The following SLC4A8 variants were observed in gnomAD, a reference collection of about 807,000 sequenced individuals.
SLC4A8 encodes electroneutral sodium bicarbonate exchanger 1.
In SLC4A8, 40 loss-of-function variants were observed where a neutral mutation model predicts 125.0. The observed-to-expected ratio is 0.32, with a 90% CI of 0.25 to 0.42. The LOEUF (loss-of-function observed/expected upper bound fraction) is 0.42. Ranked by LOEUF, SLC4A8 falls within the 10% of genes least tolerant of loss-of-function variation. SLC4A8 has a pLI of 1.00. For missense variants in SLC4A8, 863 were observed against 1,355.1 expected, an observed-to-expected ratio of 0.64 and a Z score of 5.70; for synonymous variants, 456 against 476.0, an observed-to-expected ratio of 0.96 and a Z score of 0.55.
intron 1 of SLC4A8, among the ~76,000 whole-genome samples, chr12:51,400,744 A>G (rs1216878017): frequency 4.4e-3 from 3 of 684 alleles, no homozygotes; most frequent in African/African-American, 0.018. Context: ...ATATATATAT[A>G]TATATATATA....
Position 51,510,299 on chromosome 12 carries a change from C to A in SLC4A8, c.*2861C>A, listed in dbSNP as rs902912302. On this transcript the variant is annotated 3_prime_UTR_variant, in exon 25 of 25. Transcript: ENST00000453097. The stretch of plus-strand genomic sequence containing the variant: ...AAAATTAGCTGGGCATGGTGGCGGG[C>A]GCCTGTAGTCCCAGCTATTCAGGAG... The A allele has an allele frequency of 2.0e-5, 3 of 152,042 alleles. No individual in the cohort carries two copies. The highest frequency in any genetic ancestry group is 4.4e-5 in the Non-Finnish European group (3 of 68,116). The allele number at this position is 152,042 out of a possible 1,614,324, so 9.4% of individuals were successfully genotyped here. A position where few individuals can be genotyped will look rare whatever the true frequency, so the allele number is the denominator to read the frequency against.
In SLC4A8 at chr12:51,457,333, T is replaced by A; in HGVS notation, c.575-18T>A. On this transcript the variant is annotated intron_variant, in intron 5 of 24. Coordinates refer to ENST00000453097, the MANE Select transcript of SLC4A8 (RefSeq NM_001039960.3). ...TTAACCCTCAATCTGAGTGTTCATG[T>A]GAGTGCCTGCTTTCCAGACCTGATC... 6.2e-7 allele frequency: 1 copy of A among 1,610,710 alleles called. No homozygotes were observed. The highest frequency in any genetic ancestry group is 8.5e-7 in the Non-Finnish European group (1 of 1,177,854).
chr12:51,420,233 T>C (rs1398505555), upstream of SLC4A8: 2 of 152,050 alleles, frequency 1.3e-5, no homozygotes, highest in African/African-American at 4.8e-5. Flanking sequence ...AGTGGAGAAA[T>C]AAAAATCAGG....
At chr12:51,425,525 G>A in intron 1 of SLC4A8, 2 of 749,260 alleles carry the variant, frequency 2.7e-6, no homozygotes, top group Non-Finnish European at 3.3e-6. Flanking sequence ...CCCTGATAGG[G>A]TGACCCGGTT....
At chr12:51,498,156 A>G (rs1362937714) in intron 22 of SLC4A8, among the ~76,000 whole-genome samples, 2 of 152,128 alleles carry the variant, frequency 1.3e-5, no homozygotes, top group African/African-American at 4.8e-5. Flanking sequence ...CAATGGAAGA[A>G]AACTTTAAAG....
At chr12:51,502,935 A>G (rs1419044922) in intron 22 of SLC4A8, among the ~76,000 whole-genome samples, 5 of 146,354 alleles carry the variant, frequency 3.4e-5, no homozygotes, top group African/African-American at 5.1e-5. Context: ...TCTGCCTCCC[A>G]GGTTCACGCC....
intron 6 of SLC4A8, 73 bp downstream of exon 6, chr12:51,457,612 A>G: frequency 1.5e-6 from 2 of 1,373,184 alleles, no homozygotes; most frequent in South Asian, 2.6e-5. Context: ...CTGACTTACT[A>G]GGGGTGGGGG....
At chr12:51,439,432 C>T (rs1021148835) in intron 1 of SLC4A8, among the ~76,000 whole-genome samples, 12 of 151,854 alleles carry the variant, frequency 7.9e-5, no homozygotes, top group African/African-American at 2.4e-4. Flanking sequence ...GTTTGGAAGT[C>T]GGAGTGGGTA....
intron 18 of SLC4A8, 133 bp downstream of exon 18, chr12:51,488,993 A>G (rs1239870548): frequency 1.5e-6 from 1 of 663,506 alleles, no homozygotes; most frequent in African/African-American, 1.8e-5. Flanking sequence ...TCCATTCTTT[A>G]ATAACAAAGA....
Position 51,452,653 on chromosome 12 carries a change from C to G in SLC4A8, c.413+394C>G, listed in dbSNP as rs74727061. Among the ~76,000 whole-genome samples the G allele has an allele frequency of 8.7e-3, 1,331 of 152,272 alleles. 16 individuals carry two copies. The highest frequency in any genetic ancestry group is 0.03 in the African/African-American group (1,263 of 41,546). The stretch of plus-strand genomic sequence containing the variant: ...GTCCAGACTTCTTCTGCAGGTGAAC[C>G]ACAGGGTTCAAATTCACCAGCAGTC... On this transcript the variant is annotated intron_variant, in intron 4 of 24. Coordinates refer to ENST00000453097, the MANE Select transcript of SLC4A8 (RefSeq NM_001039960.3).
At chr12:51,394,956 G>T (rs987797765) in intron 1 of SLC4A8, among the ~76,000 whole-genome samples, 7 of 152,158 alleles carry the variant, frequency 4.6e-5, no homozygotes, top group African/African-American at 1.7e-4. Flanking sequence ...TTGAGCCTAG[G>T]AGTTAGAGGC....
chr12:51,408,177 G>GT (rs758477080), intron 1 of SLC4A8, among the ~76,000 whole-genome samples: 6 of 152,182 alleles, frequency 3.9e-5, no homozygotes, highest in South Asian at 2.1e-4. Flanking sequence ...GGGGCTAGGG[G>GT]TTAGGACTTC....
intron 7 of SLC4A8, 124 bp downstream of exon 7, chr12:51,458,774 C>CT: frequency 1.5e-6 from 1 of 659,758 alleles, no homozygotes; most frequent in Non-Finnish European, 2.7e-6. Context: ...GACTAGAGCC[C>CT]TTTCTGCATA....
At chr12:51,493,643 G>A in intron 19 of SLC4A8, 61 bp from the exon 20 acceptor site, 2 of 1,051,814 alleles carry the variant, frequency 1.9e-6, no homozygotes, top group Admixed American at 3.4e-5. Context: ...AGTGTATATA[G>A]TTTTGAGTGT....
At position 51,514,966 on chromosome 12, in the gene SLC4A8, C is replaced by A. The variant is rs1362120160; in HGVS notation, c.*7528C>A. ...CAAAGGGAAGGGAATGGTTTCTGAT[C>A]CTTCTGAAGAGAAAAGGAATAGCAT... On this transcript the variant is annotated 3_prime_UTR_variant, in exon 25 of 25. Coordinates refer to ENST00000453097, the MANE Select transcript of SLC4A8 (RefSeq NM_001039960.3). 2.0e-5 allele frequency: 3 copies of A among 152,192 alleles called. No homozygotes were observed. Among genetic ancestry groups the A allele is most frequent in the Non-Finnish European group, 2.9e-5 (2 of 68,034 alleles). 9.4% of individuals were successfully genotyped at this position (152,192 alleles called of 1,614,324 possible).
Position 51,504,032 on chromosome 12 carries a change from G to A in SLC4A8, c.3085G>A (p.Ala1029Thr). Residue 1029 changes from alanine to threonine, a missense_variant, in exon 23 of 25, where the codon GCT (alanine) becomes ACT (threonine). Ala to Thr is a moderately conservative substitution (Grantham distance 58, BLOSUM62 0). This residue lies in a region of SLC4A8 where 92 missense variants were observed against 125.6 expected (regional missense o/e 0.73). Transcript: ENST00000453097. Reference protein sequence around the residue: ...AKKKAKEEEEAEKMLEIGGDK... With the variant: ...AKKKAKEEEETEKMLEIGGDK... ...ATAATGTTTCTTTTTCTTCCAGGAG[G>A]CTGAGAAAATGTTAGAAATTGGGGG... is the stretch of plus-strand genomic sequence containing the variant. 1 of 1,562,942 alleles carries A rather than the reference G, an allele frequency of 6.4e-7. No individual in the cohort carries two copies. The highest frequency in any genetic ancestry group is 8.7e-7 in the Non-Finnish European group (1 of 1,146,912).
intron 1 of SLC4A8, among the ~76,000 whole-genome samples, chr12:51,401,609 C>T (rs1438268514): frequency 6.6e-6 from 1 of 152,126 alleles, no homozygotes; most frequent in Non-Finnish European, 1.5e-5. Context: ...TTCCTCTTGA[C>T]GTCCAGCCGC....
intron 1 of SLC4A8, among the ~76,000 whole-genome samples, chr12:51,438,808 A>G (rs950461524): frequency 6.6e-6 from 1 of 152,118 alleles, no homozygotes; most frequent in African/African-American, 2.4e-5. Context: ...TGTCTTTTTG[A>G]TAATAGCCAT....
At chr12:51,456,007 G>C (rs537605447) in intron 5 of SLC4A8, among the ~76,000 whole-genome samples, 2 of 152,302 alleles carry the variant, frequency 1.3e-5, no homozygotes, top group East Asian at 3.9e-4. Flanking sequence ...ACAGGGTAAT[G>C]ATCAATCAGA....
Sources: gnomAD v4.1 joint callset for allele counts (sites outside exome capture counted in the v4.1 genomes callset) on GRCh38, gnomAD v4.1.1 for gene constraint, gnomAD v4.1.1 regional missense constraint, MANE v1.5 for transcripts, NCBI Gene and HGNC (gene_info 2026-07-23, HGNC 2026-07-21) for gene names.